The following MDGA2 variants were observed in gnomAD, a reference collection of about 807,000 sequenced individuals.
MDGA2 encodes the protein MAM domain containing glycosylphosphatidylinositol anchor 2, also known as MAM domain-containing glycosylphosphatidylinositol anchor protein 2.
A neutral mutation model predicts 117.8 loss-of-function variants in MDGA2; 40 were observed. The ratio of observed to expected loss-of-function variants is 0.34; its 90% CI spans 0.26 to 0.44. The LOEUF (loss-of-function observed/expected upper bound fraction) is 0.44. MDGA2 is among the 20% of genes least tolerant of loss of function. The probability of loss-of-function intolerance (pLI) is 1.00; values close to 1 mark genes in which losing one functional copy is unlikely to be tolerated. For synonymous variants in MDGA2, 452 were observed against 439.0 expected, an observed-to-expected ratio of 1.03 and a Z score of -0.37; for missense variants, 1,123 against 1,250.6, an observed-to-expected ratio of 0.90 and a Z score of 1.54.
chr14:47,623,824 CTA>C (rs1287166524), intron 1 of MDGA2, among the ~76,000 whole-genome samples: 2 of 152,158 alleles, frequency 1.3e-5, no homozygotes, highest in Non-Finnish European at 2.9e-5. Flanking sequence ...CTTAAACAAT[CTA>C]TGCAGAAAAG....
At chr14:47,429,883 A>AT (rs1322068994) in intron 1 of MDGA2, among the ~76,000 whole-genome samples, 5 of 151,044 alleles carry the variant, frequency 3.3e-5, no homozygotes, top group African/African-American at 1.2e-4. Context: ...GCTAAGAGGG[A>AT]AACAAGGAGT....
At chr14:47,241,358 A>G (rs2139605553) in intron 2 of MDGA2, among the ~76,000 whole-genome samples, 1 of 151,898 alleles carries the variant, frequency 6.6e-6, no homozygotes, top group East Asian at 1.9e-4. Context: ...ACATCCTCAT[A>G]TTGCCTCAGG....
chr14:47,158,363 G>GTGT (rs1555358939), intron 3 of MDGA2, among the ~76,000 whole-genome samples: 5,877 of 146,716 alleles, frequency 0.04, 142 homozygotes, highest in East Asian at 0.12. Flanking sequence ...CCCTGGGGTG[G>GTGT]GTGTGTGTGT....
chr14:47,523,733 G>A (rs1398004438), intron 1 of MDGA2, among the ~76,000 whole-genome samples: 2 of 152,068 alleles, frequency 1.3e-5, no homozygotes, highest in African/African-American at 4.8e-5. Flanking sequence ...GCTAGACTAG[G>A]GGTGAGTTCA....
At chr14:47,469,948 C>G (rs1001515359) in intron 1 of MDGA2, among the ~76,000 whole-genome samples, 1 of 152,108 alleles carries the variant, frequency 6.6e-6, no homozygotes, top group Non-Finnish European at 1.5e-5. Context: ...TTCTCCACAT[C>G]TCTTCTCTGT....
intron 1 of MDGA2, among the ~76,000 whole-genome samples, chr14:47,530,104 C>T (rs1376228474): frequency 6.6e-6 from 1 of 152,164 alleles, no homozygotes; most frequent in Admixed American, 6.5e-5. Context: ...TTCACATCAC[C>T]AAGATTCCTA....
At chr14:47,344,061 A>G (rs1323343549) in intron 1 of MDGA2, among the ~76,000 whole-genome samples, 2 of 152,162 alleles carry the variant, frequency 1.3e-5, no homozygotes, top group Non-Finnish European at 2.9e-5. Context: ...TTACCACACA[A>G]TCACTCTCAA....
At chr14:47,584,826 C>T (rs17760091) in intron 1 of MDGA2, among the ~76,000 whole-genome samples, 41,740 of 151,598 alleles carry the variant, frequency 0.28, 7,967 homozygotes, top group East Asian at 0.79. Context: ...CTCAGCCAAG[C>T]TGTTACAGTT....
chr14:47,359,949 A>C (rs1259272541), intron 1 of MDGA2, among the ~76,000 whole-genome samples: 1 of 152,168 alleles, frequency 6.6e-6, no homozygotes, highest in African/African-American at 2.4e-5. Flanking sequence ...TTATAGATTA[A>C]GAAAAAGTAT....
chr14:47,024,177 T>TA (rs773689677), intron 8 of MDGA2, among the ~76,000 whole-genome samples: 113 of 152,320 alleles, frequency 7.4e-4, no homozygotes, highest in Non-Finnish European at 1.3e-3. Flanking sequence ...CATCTGCCTC[T>TA]ATATCTATGT....
Position 47,419,322 on chromosome 14 carries a change from TG to T in MDGA2, c.281-117773del, listed in dbSNP as rs1240762989. Among the ~76,000 whole-genome samples, 8 of 152,256 alleles carry T rather than the reference TG, an allele frequency of 5.3e-5. No individual in the cohort carries two copies. The East Asian group carries it at 1.5e-3, about 29-fold the overall frequency. On this transcript the variant is annotated intron_variant, in intron 1 of 16. Transcript: ENST00000399232. ...ATTCACAAAAGGAAGCTTTTTTTTTTGTTCTATCAGAGATTTAGTTATTGAA... is the reference window on the plus strand; with the variant it reads ...ATTCACAAAAGGAAGCTTTTTTTTTTTTCTATCAGAGATTTAGTTATTGAA...
At chr14:47,124,405 G>A (rs1881798061) in intron 5 of MDGA2, among the ~76,000 whole-genome samples, 2 of 152,006 alleles carry the variant, frequency 1.3e-5, no homozygotes, top group South Asian at 4.1e-4. Flanking sequence ...AAGAATACAA[G>A]GCCATAAATG....
At chr14:46,947,069 C>T (rs1200365780) in intron 9 of MDGA2, among the ~76,000 whole-genome samples, 3 of 151,904 alleles carry the variant, frequency 2.0e-5, no homozygotes, top group Non-Finnish European at 4.4e-5. Context: ...CATTCTTTTC[C>T]CTCAGATCCA....
chr14:47,631,358 T>C (rs911063308), intron 1 of MDGA2, among the ~76,000 whole-genome samples: 4 of 152,164 alleles, frequency 2.6e-5, no homozygotes, highest in African/African-American at 9.6e-5. Flanking sequence ...AATCTTCTCT[T>C]CCCCCAGCCC....
chr14:47,058,563 T>A (rs987358181), intron 7 of MDGA2: 2 of 984,884 alleles, frequency 2.0e-6, no homozygotes, highest in Non-Finnish European at 2.4e-6. Context: ...CTGTTCAAAC[T>A]ATATCCTAGA....
intron 3 of MDGA2, among the ~76,000 whole-genome samples, chr14:47,147,565 T>G (rs1032584970): frequency 3.1e-4 from 47 of 152,266 alleles, no homozygotes; most frequent in African/African-American, 1.0e-3. Flanking sequence ...AGACATAACC[T>G]TGGGAGGGCC....
intron 3 of MDGA2, among the ~76,000 whole-genome samples, chr14:47,192,873 A>G (rs947243444): frequency 5.9e-5 from 9 of 152,178 alleles, no homozygotes; most frequent in African/African-American, 1.9e-4. Flanking sequence ...TCATGTATAA[A>G]AACAGATTGA....
At chr14:47,262,702 G>T (rs190754611) in intron 2 of MDGA2, among the ~76,000 whole-genome samples, 15 of 152,228 alleles carry the variant, frequency 9.9e-5, no homozygotes, top group Non-Finnish European at 2.1e-4. Flanking sequence ...TACAGAACAG[G>T]AAAGTTAAGA....
chr14:47,068,535 C>T (rs1219340640), intron 6 of MDGA2, among the ~76,000 whole-genome samples: 1 of 151,596 alleles, frequency 6.6e-6, no homozygotes, highest in African/African-American at 2.4e-5. Flanking sequence ...TACCTTAGCA[C>T]CAGTTATTTG....
Sources: allele counts gnomAD v4.1 joint callset (sites outside exome capture counted in the v4.1 genomes callset), GRCh38; gene constraint gnomAD v4.1.1; transcripts MANE v1.5; gene names NCBI Gene and HGNC (gene_info 2026-07-23, HGNC 2026-07-21).